The following WDFY4 variants were observed in gnomAD, a reference collection of about 807,000 sequenced individuals.
WDFY4 encodes the protein WD repeat- and FYVE domain-containing protein 4.
WDFY4 carries 169 observed loss-of-function variants against 351.9 expected under a neutral mutation model. That is an observed-to-expected ratio of 0.48 (90% confidence interval 0.42 to 0.55). The LOEUF is 0.55. Ranked by LOEUF, WDFY4 falls within the 20% of genes least tolerant of loss-of-function variation. The pLI is 0.00. For missense variants in WDFY4, 3,803 were observed against 3,935.6 expected (o/e 0.97, Z 0.90); for synonymous variants, 1,622 against 1,574.6 (o/e 1.03, Z -0.71).
chr10:48,866,934 G>A (rs1411214755), intron 39 of WDFY4, among the ~76,000 whole-genome samples: 1 of 152,074 alleles, frequency 6.6e-6, no homozygotes, highest in African/African-American at 2.4e-5. Flanking sequence ...ACTTTGGGAG[G>A]CTGAGGCAGA....
intron 40 of WDFY4, among the ~76,000 whole-genome samples, chr10:48,869,475 C>T (rs1156778796): frequency 6.6e-6 from 1 of 152,164 alleles, no homozygotes; most frequent in East Asian, 1.9e-4. Context: ...GGAAGTTAAC[C>T]CAAGCATCAT....
At chr10:48,948,494 GA>G (rs1455385673) in intron 51 of WDFY4, among the ~76,000 whole-genome samples, 2 of 152,160 alleles carry the variant, frequency 1.3e-5, no homozygotes, top group African/African-American at 4.8e-5. Context: ...GCCCCTTCAG[GA>G]GGCTGCATTA....
chr10:48,938,169 A>G (rs551669312), intron 47 of WDFY4, among the ~76,000 whole-genome samples: 3 of 152,282 alleles, frequency 2.0e-5, no homozygotes, highest in South Asian at 4.1e-4. Context: ...CCATTTTACC[A>G]TGTCCTCAAA....
At chr10:48,939,879 C>T (rs1001959183) in intron 47 of WDFY4, among the ~76,000 whole-genome samples, 1 of 152,180 alleles carries the variant, frequency 6.6e-6, no homozygotes, top group African/African-American at 2.4e-5. Flanking sequence ...CTTCTGTACA[C>T]CATTCCACCT....
intron 47 of WDFY4, chr10:48,914,097 T>C: frequency 6.2e-7 from 1 of 1,614,228 alleles, no homozygotes; most frequent in Non-Finnish European, 8.5e-7. Flanking sequence ...TTTGATGCAA[T>C]TCCTGGCCAC....
chr10:48,916,893 G>A (rs1838595041), intron 47 of WDFY4, among the ~76,000 whole-genome samples: 1 of 151,952 alleles, frequency 6.6e-6, no homozygotes, highest in African/African-American at 2.4e-5. Flanking sequence ...GTGTGTGTGT[G>A]TGTGTGTGTG....
At chr10:48,908,897 T>C (rs1439717838) in intron 47 of WDFY4, among the ~76,000 whole-genome samples, 2 of 152,232 alleles carry the variant, frequency 1.3e-5, no homozygotes, top group African/African-American at 4.8e-5. Flanking sequence ...GCTACCACTT[T>C]ATAGTTATGC....
chr10:48,864,894 G>A (rs978542525), intron 39 of WDFY4, among the ~76,000 whole-genome samples: 5 of 152,144 alleles, frequency 3.3e-5, no homozygotes, highest in African/African-American at 1.2e-4. Flanking sequence ...GAACACAGCT[G>A]ATTTACGTGT....
At chr10:48,898,580 A>G (rs1374253032) in intron 45 of WDFY4, among the ~76,000 whole-genome samples, 1 of 152,150 alleles carries the variant, frequency 6.6e-6, no homozygotes, top group African/African-American at 2.4e-5. Flanking sequence ...AAGAGGGCTC[A>G]CTATCATTCT....
chr10:48,867,995 C>T (rs1231109840), intron 40 of WDFY4, among the ~76,000 whole-genome samples: 1 of 152,080 alleles, frequency 6.6e-6, no homozygotes, highest in Non-Finnish European at 1.5e-5. Flanking sequence ...GAATTGCCCA[C>T]AATACATGGT....
At chr10:48,974,045 T>C (rs921585760) in intron 57 of WDFY4, among the ~76,000 whole-genome samples, 1 of 152,168 alleles carries the variant, frequency 6.6e-6, no homozygotes, top group Non-Finnish European at 1.5e-5. Context: ...GAGAATCCCC[T>C]GAGGGCTTGT....
chr10:48,792,702 C>T (rs764859307), intron 23 of WDFY4, among the ~76,000 whole-genome samples: 1 of 152,036 alleles, frequency 6.6e-6, no homozygotes, highest in Non-Finnish European at 1.5e-5. Flanking sequence ...AAATAAGAAC[C>T]AAAATAATTT....
intron 41 of WDFY4, among the ~76,000 whole-genome samples, chr10:48,874,178 T>C (rs2069901965): frequency 1.3e-5 from 2 of 152,222 alleles, no homozygotes; most frequent in Non-Finnish European, 1.5e-5. Flanking sequence ...TCTGCAATTT[T>C]GAGCCAGTGA....
chr10:48,828,556 C>T (rs2068080424), intron 36 of WDFY4, among the ~76,000 whole-genome samples: 1 of 152,176 alleles, frequency 6.6e-6, no homozygotes, highest in African/African-American at 2.4e-5. Context: ...CACAAGACTT[C>T]TCATAAGGAG....
At chr10:48,952,540 CATT>C (rs1254274016) in intron 51 of WDFY4, among the ~76,000 whole-genome samples, 3 of 152,190 alleles carry the variant, frequency 2.0e-5, no homozygotes, top group African/African-American at 7.2e-5. Context: ...TTCTAATTGG[CATT>C]ATTGAACAAC....
chr10:48,745,724 G>T, intron 12 of WDFY4: 1 of 556,366 alleles, frequency 1.8e-6, no homozygotes, highest in Non-Finnish European at 3.4e-6. Context: ...TGAGCCAGGC[G>T]CCCCACGTAG....
At chr10:48,894,353 G>C (rs1034271291) in intron 44 of WDFY4, among the ~76,000 whole-genome samples, 4 of 152,216 alleles carry the variant, frequency 2.6e-5, no homozygotes, top group African/African-American at 9.6e-5. Flanking sequence ...AAGCTAGGGA[G>C]CATTTCTGCC....
At chr10:48,835,787 T>G (rs2068369457) in intron 39 of WDFY4, among the ~76,000 whole-genome samples, 1 of 152,234 alleles carries the variant, frequency 6.6e-6, no homozygotes, top group Non-Finnish European at 1.5e-5. Flanking sequence ...CAATTTGATT[T>G]TTTCTTTCTA....
chr10:48,820,572 G>A (rs575526192), intron 33 of WDFY4, 135 bp downstream of exon 33: 1 of 1,006,012 alleles, frequency 9.9e-7, no homozygotes, highest in South Asian at 1.7e-5. Context: ...GTGAACCATG[G>A]GCCCCAAAAA....
Sources: gnomAD v4.1 joint callset for allele counts (sites outside exome capture counted in the v4.1 genomes callset) on GRCh38, gnomAD v4.1.1 for gene constraint, MANE v1.5 for transcripts, NCBI Gene and HGNC (gene_info 2026-07-23, HGNC 2026-07-21) for gene names.